FRMPD4: variants seen among roughly 807,000 people sequenced by gnomAD.
FRMPD4 encodes the protein FERM and PDZ domain containing 4.
FRMPD4 carries 22 observed loss-of-function variants against 94.1 expected under a neutral mutation model. That is an observed-to-expected ratio of 0.23 (90% CI 0.17 to 0.33). The LOEUF is 0.33. Among genes scored for constraint, FRMPD4 ranks in the 10% least tolerant of loss-of-function variants. FRMPD4 has a pLI of 1.00. For synonymous variants in FRMPD4, 631 were observed against 548.6 expected (o/e 1.15, Z -2.10); for missense variants, 1,111 against 1,339.9 (o/e 0.83, Z 2.67).
chrX:12,210,660 T>A (rs2056744959), intron 1 of FRMPD4, among the ~76,000 whole-genome samples: 1 of 109,373 alleles, frequency 9.1e-6, no homozygotes, highest in African/African-American at 3.3e-5. Flanking sequence ...AGTGAGTGAG[T>A]CTGATGTTCC....
chrX:12,497,778 C>T (rs1303145808), intron 1 of FRMPD4, among the ~76,000 whole-genome samples: 1 of 111,310 alleles, frequency 9.0e-6, no homozygotes, highest in South Asian at 3.8e-4. Flanking sequence ...GCTTGTTTCA[C>T]TTGAGAGGTG....
intron 3 of FRMPD4, among the ~76,000 whole-genome samples, chrX:12,069,945 T>C (rs1418218263): frequency 9.0e-6 from 1 of 111,321 alleles, no homozygotes; most frequent in African/African-American, 3.3e-5. Context: ...TGGCAGTAGG[T>C]CCAAAGAGAA....
chrX:11,976,828 G>A (rs909630832), intron 3 of FRMPD4, among the ~76,000 whole-genome samples: 1 of 111,832 alleles, frequency 8.9e-6, no homozygotes, highest in Non-Finnish European at 1.9e-5. Flanking sequence ...GCCTTTATTA[G>A]ATCTAATTCT....
chrX:12,312,161 C>T (rs1285316204), intron 1 of FRMPD4, among the ~76,000 whole-genome samples: 2 of 108,768 alleles, frequency 1.8e-5, no homozygotes, highest in Non-Finnish European at 3.8e-5. Flanking sequence ...TTAAAGGTGT[C>T]CATTGGGTTT....
intron 1 of FRMPD4, among the ~76,000 whole-genome samples, chrX:12,316,816 A>G (rs763407375): frequency 1.4e-4 from 15 of 108,735 alleles, no homozygotes; most frequent in Admixed American, 1.2e-3. Context: ...TGTCTTTTAC[A>G]TTACAAAGGT....
intron 2 of FRMPD4, among the ~76,000 whole-genome samples, chrX:12,530,931 G>T (rs1028260523): frequency 9.0e-6 from 1 of 111,542 alleles, no homozygotes; most frequent in East Asian, 2.8e-4. Context: ...GTGGATGGAT[G>T]TATGGATAAT....
At chrX:11,899,302 G>T (rs1458950859) in intron 3 of FRMPD4, among the ~76,000 whole-genome samples, 1 of 110,911 alleles carries the variant, frequency 9.0e-6, no homozygotes, top group East Asian at 2.8e-4. Context: ...GAAGAAAATG[G>T]GTGAAAAGTT....
chrX:12,665,443 C>CA (rs59252457), intron 4 of FRMPD4, among the ~76,000 whole-genome samples: 118 of 93,114 alleles, frequency 1.3e-3, no homozygotes, highest in South Asian at 6.6e-3. Context: ...GACTCCGTCT[C>CA]AAAAAAAAAA....
intron 1 of FRMPD4, among the ~76,000 whole-genome samples, chrX:12,220,299 T>C (rs1044294033): frequency 2.7e-5 from 3 of 112,088 alleles, no homozygotes; most frequent in Non-Finnish European, 5.6e-5. Context: ...AAAGTGGCTA[T>C]GGAAAGGAAA....
chrX:12,380,458 T>A (rs1407923554), intron 1 of FRMPD4, among the ~76,000 whole-genome samples: 1 of 112,186 alleles, frequency 8.9e-6, no homozygotes, highest in Non-Finnish European at 1.9e-5. Flanking sequence ...TATGTACAGC[T>A]GCATGACAGT....
At chrX:12,141,388 A>T (rs2147570949) in intron 1 of FRMPD4, among the ~76,000 whole-genome samples, 1 of 112,266 alleles carries the variant, frequency 8.9e-6, no homozygotes, top group East Asian at 2.8e-4. Flanking sequence ...ATATTTGCTT[A>T]GTGTCCTATC....
At chrX:11,843,862 T>G (rs2053556530) in intron 1 of FRMPD4, among the ~76,000 whole-genome samples, 1 of 111,829 alleles carries the variant, frequency 8.9e-6, no homozygotes, top group South Asian at 3.7e-4. Context: ...TTTTAACATT[T>G]CTTATGCTCT....
intron 1 of FRMPD4, among the ~76,000 whole-genome samples, chrX:11,838,660 A>G (rs1465753786): frequency 9.0e-6 from 1 of 111,082 alleles, no homozygotes; most frequent in African/African-American, 3.3e-5. Context: ...TGCTGCCACG[A>G]GGCCCAGGTA....
chrX:12,469,896 C>G (rs973272895), intron 1 of FRMPD4, among the ~76,000 whole-genome samples: 15 of 112,459 alleles, frequency 1.3e-4, no homozygotes, highest in African/African-American at 4.5e-4. Flanking sequence ...TTCTCTCAGA[C>G]AGCTGACATA....
chrX:11,914,638 T>C (rs1424459481), intron 3 of FRMPD4, among the ~76,000 whole-genome samples: 2 of 112,069 alleles, frequency 1.8e-5, no homozygotes, highest in East Asian at 5.6e-4. Context: ...TTGATATTTC[T>C]TTATAACTTT....
intron 2 of FRMPD4, among the ~76,000 whole-genome samples, chrX:12,515,374 G>T (rs2058085761): frequency 9.0e-6 from 1 of 110,668 alleles, no homozygotes; most frequent in African/African-American, 3.4e-5. Context: ...GCGTCCCAGA[G>T]ATTCTGGTAT....
intron 2 of FRMPD4, among the ~76,000 whole-genome samples, chrX:12,520,277 A>G (rs892659077): frequency 2.7e-5 from 3 of 112,171 alleles, no homozygotes; most frequent in Admixed American, 1.9e-4. Context: ...GCCAGTTCCA[A>G]AGGACAAATA....
chrX:12,682,358 CCT>C (rs1280624999), intron 5 of FRMPD4, among the ~76,000 whole-genome samples: 1 of 111,983 alleles, frequency 8.9e-6, no homozygotes, highest in Non-Finnish European at 1.9e-5. Flanking sequence ...GAGGGTTAAG[CCT>C]CTGTGTTGTT....
At chrX:12,230,859 A>G (rs1351679495) in intron 1 of FRMPD4, among the ~76,000 whole-genome samples, 1 of 92,410 alleles carries the variant, frequency 1.1e-5, no homozygotes. Flanking sequence ...TATTAAAAAT[A>G]CATATATATT....
Sources: allele counts gnomAD v4.1 joint callset (sites outside exome capture counted in the v4.1 genomes callset), GRCh38; gene constraint gnomAD v4.1.1; transcripts MANE v1.5; gene names NCBI Gene and HGNC (gene_info 2026-07-23, HGNC 2026-07-21).